The following CADPS variants were observed in gnomAD, a reference collection of about 807,000 sequenced individuals.
The protein encoded by CADPS is calcium-dependent secretion activator 1.
CADPS carries 57 observed loss-of-function variants against 167.3 expected under a neutral mutation model. The observed-to-expected ratio is 0.34, with a 90% CI of 0.28 to 0.42. The LOEUF is 0.42. Ranked by LOEUF, CADPS falls within the 20% of genes least tolerant of loss-of-function variation. The probability of loss-of-function intolerance (pLI) is 1.00; values close to 1 mark genes in which losing one functional copy is unlikely to be tolerated. For missense variants in CADPS, 1,414 were observed against 1,738.1 expected, an observed-to-expected ratio of 0.81 and a Z score of 3.32; for synonymous variants, 676 against 635.3, an observed-to-expected ratio of 1.06 and a Z score of -0.96.
chr3:62,639,473 T>C (rs2066981656), intron 6 of CADPS, among the ~76,000 whole-genome samples: 1 of 152,078 alleles, frequency 6.6e-6, no homozygotes, highest in Non-Finnish European at 1.5e-5. Context: ...GCTCCTGGAA[T>C]ATAGACCATG....
At chr3:62,533,732 C>T (rs1287650725) in intron 12 of CADPS, among the ~76,000 whole-genome samples, 3 of 152,102 alleles carry the variant, frequency 2.0e-5, no homozygotes, top group African/African-American at 7.2e-5. Context: ...AATCCTTTCA[C>T]TTTGGAAAGA....
intron 1 of CADPS, among the ~76,000 whole-genome samples, chr3:62,802,704 A>G (rs1057088292): frequency 6.6e-6 from 1 of 152,168 alleles, no homozygotes; most frequent in African/African-American, 2.4e-5. Context: ...ACACTGATAG[A>G]TTACTTATCC....
In CADPS at chr3:62,633,257, C is replaced by T. The variant is rs534546516; in HGVS notation, c.1325+12465G>A. Among the ~76,000 whole-genome samples the T allele has an allele frequency of 2.0e-4, 30 of 152,272 alleles. No homozygotes were observed. The South Asian group carries it at 6.2e-3, about 32-fold the overall frequency. On this transcript the variant is annotated intron_variant, in intron 6 of 29. Transcript: ENST00000383710. ...CTCACTTGCTTTCCTCTGCCATCATCGACCACCACCCTGTCTTACATGATG... is the reference window on the plus strand; with the variant it reads ...CTCACTTGCTTTCCTCTGCCATCATTGACCACCACCCTGTCTTACATGATG...
chr3:62,683,011 T>A (rs1025972304), intron 3 of CADPS, among the ~76,000 whole-genome samples: 2 of 152,072 alleles, frequency 1.3e-5, no homozygotes, highest in Non-Finnish European at 2.9e-5. Flanking sequence ...AGAAATAGCA[T>A]GTCTCAATGG....
At chr3:62,850,846 G>A (rs1313330618) in intron 1 of CADPS, among the ~76,000 whole-genome samples, 10 of 151,496 alleles carry the variant, frequency 6.6e-5, no homozygotes, top group African/African-American at 2.2e-4. Context: ...TTTCTGTCTC[G>A]TTGATCTGTC....
chr3:62,452,781 G>A (rs2058236452), intron 26 of CADPS, among the ~76,000 whole-genome samples: 1 of 152,156 alleles, frequency 6.6e-6, no homozygotes, highest in Non-Finnish European at 1.5e-5. Context: ...ATCTATTACA[G>A]TAGGGAGTCA....
intron 6 of CADPS, among the ~76,000 whole-genome samples, chr3:62,595,812 G>C (rs2058826174): frequency 6.6e-6 from 1 of 152,114 alleles, no homozygotes; most frequent in Admixed American, 6.5e-5. Context: ...GGCAAAGGCA[G>C]ATCCACCCTT....
chr3:62,463,227 C>T (rs952982822), intron 26 of CADPS, among the ~76,000 whole-genome samples: 1 of 152,174 alleles, frequency 6.6e-6, no homozygotes, highest in Non-Finnish European at 1.5e-5. Context: ...CCCTGGACCA[C>T]CTTCCCATAG....
rs547347180 is a variant in CADPS at position 62,797,869 on chromosome 3, C to CA, written c.442-31886dup. The stretch of plus-strand genomic sequence containing the variant: ...AAGGTTTCCTGAAAGTAATCTATAA[C>CA]AAAAAAATCTTTTGAGACTGAAAAA... On this transcript the variant is annotated intron_variant, in intron 1 of 29. Transcript: ENST00000383710. Among the ~76,000 whole-genome samples, 163 of 151,892 alleles carry CA rather than the reference C, an allele frequency of 1.1e-3. 1 individual carries two copies. Among genetic ancestry groups the CA allele is most frequent in the African/African-American group, 3.7e-3 (154 of 41,466 alleles).
chr3:62,641,068 A>T (rs1012485784), intron 6 of CADPS, among the ~76,000 whole-genome samples: 1 of 152,070 alleles, frequency 6.6e-6, no homozygotes, highest in South Asian at 2.1e-4. Flanking sequence ...TACTTAATAT[A>T]TTTTATTTAA....
At chr3:62,716,629 A>T (rs199528376) in intron 3 of CADPS, among the ~76,000 whole-genome samples, 23,150 of 152,094 alleles carry the variant, frequency 0.15, 1,914 homozygotes, top group South Asian at 0.25. Flanking sequence ...CCAAACCTTT[A>T]AAAAAATGAC....
chr3:62,562,827 T>A (rs1190500657), intron 9 of CADPS, among the ~76,000 whole-genome samples: 1 of 152,202 alleles, frequency 6.6e-6, no homozygotes, highest in African/African-American at 2.4e-5. Flanking sequence ...CAACATAGTA[T>A]CTCCTTGGTT....
chr3:62,824,837 G>A (rs181009349), intron 1 of CADPS, among the ~76,000 whole-genome samples: 3 of 152,112 alleles, frequency 2.0e-5, no homozygotes, highest in East Asian at 1.9e-4. Flanking sequence ...TTCTAAGAAC[G>A]CTTGTTTTCC....
At chr3:62,564,474 A>G (rs1448763787) in intron 9 of CADPS, among the ~76,000 whole-genome samples, 2 of 152,242 alleles carry the variant, frequency 1.3e-5, no homozygotes, top group African/African-American at 4.8e-5. Context: ...CTAAGAAACC[A>G]TATAAATATA....
At chr3:62,608,533 C>T (rs1912869) in intron 6 of CADPS, among the ~76,000 whole-genome samples, 45,213 of 151,888 alleles carry the variant, frequency 0.3, 8,043 homozygotes, top group Non-Finnish European at 0.39. Context: ...CCCACCTCGG[C>T]CTCCCAAAGT....
intron 9 of CADPS, among the ~76,000 whole-genome samples, chr3:62,565,924 T>C (rs1482832154): frequency 2.0e-5 from 3 of 152,248 alleles, no homozygotes; most frequent in Admixed American, 6.5e-5. Context: ...TCTGTGTGTA[T>C]GTGTAGAGCA....
At chr3:62,667,099 C>T (rs1347676667) in intron 3 of CADPS, among the ~76,000 whole-genome samples, 4 of 127,830 alleles carry the variant, frequency 3.1e-5, no homozygotes, top group African/African-American at 1.2e-4. Flanking sequence ...TCGAATCTTT[C>T]TGAACCTCAG....
At chr3:62,757,140 T>G (rs1340886095) in intron 2 of CADPS, among the ~76,000 whole-genome samples, 1 of 152,150 alleles carries the variant, frequency 6.6e-6, no homozygotes, top group Non-Finnish European at 1.5e-5. Flanking sequence ...GGTTAAGCCT[T>G]TGTTGTCAGT....
rs548949965 is a variant in CADPS, at chr3:62,421,506, C to A, written c.3777+16598G>T. Among the ~76,000 whole-genome samples the A allele has an allele frequency of 6.6e-6, 1 of 152,368 alleles. No homozygotes were observed. Among genetic ancestry groups the A allele is most frequent in the African/African-American group, 2.4e-5 (1 of 41,582 alleles). ...CCGCATGCACCCACAGCAGCTGTCA[C>A]TTTTGTCGAGCAAGTTAATCAAGCA... On this transcript the variant is annotated intron_variant, in intron 28 of 29. Transcript: ENST00000383710. The surrounding 1 kb of genome is among the most constrained non-coding windows in gnomAD (Gnocchi z 4.7).
Sources: gnomAD v4.1 joint callset for allele counts (sites outside exome capture counted in the v4.1 genomes callset) on GRCh38, gnomAD v4.1.1 for gene constraint, Gnocchi (gnomAD v3.1) non-coding constraint, MANE v1.5 for transcripts, NCBI Gene and HGNC (gene_info 2026-07-23, HGNC 2026-07-21) for gene names.